The following SLC25A12 variants were observed in gnomAD, a reference collection of about 807,000 sequenced individuals.
SLC25A12 encodes solute carrier family 25 member 12.
SLC25A12 carries 32 observed loss-of-function variants against 83.3 expected under a neutral mutation model. That is an observed-to-expected ratio of 0.38 (90% confidence interval 0.29 to 0.52). SLC25A12 has a LOEUF of 0.52. Among genes scored for constraint, SLC25A12 ranks in the 20% least tolerant of loss-of-function variants. The pLI, the probability that SLC25A12 is intolerant of heterozygous loss-of-function variation, is 0.84. For missense variants in SLC25A12, 611 were observed against 835.6 expected (o/e 0.73, Z 3.31); for synonymous variants, 267 against 291.1 (o/e 0.92, Z 0.84).
intron 2 of SLC25A12, among the ~76,000 whole-genome samples, chr2:171,882,953 A>G (rs747651027): frequency 6.6e-6 from 1 of 152,222 alleles, no homozygotes; most frequent in Non-Finnish European, 1.5e-5. Flanking sequence ...AACATCTTCC[A>G]TGGTCTCTCG....
intron 13 of SLC25A12, among the ~76,000 whole-genome samples, chr2:171,806,824 A>G (rs1431925338): frequency 6.6e-6 from 1 of 152,234 alleles, no homozygotes; most frequent in Non-Finnish European, 1.5e-5. Flanking sequence ...GACAGCACTC[A>G]GCCAAAAGCC....
chr2:171,873,506 T>C (rs879656041), intron 2 of SLC25A12, among the ~76,000 whole-genome samples: 12 of 152,108 alleles, frequency 7.9e-5, no homozygotes, highest in African/African-American at 1.7e-4. Context: ...ACCAACACAG[T>C]GGGCATGAAA....
rs760105858 is a variant in SLC25A12, at chr2:171,868,752, C to G, written c.138G>C (p.Leu46=). The change falls in exon 3 of 18, where the codon CTG becomes CTC. Residue 46 remains leucine (L), a synonymous_variant. Coordinates refer to ENST00000422440, the MANE Select transcript of SLC25A12 (RefSeq NM_003705.5). ...PEDFVQRYLG[L]YNDPNSNPKI... ...TTGGGTTACTATTTGGATCATTATA[C>G]AGTCCAAGATAGCGCTGAACAAAGT... 1 of 1,613,592 alleles carries G rather than the reference C, an allele frequency of 6.2e-7. No homozygotes were observed. The highest frequency in any genetic ancestry group is 1.1e-5 in the South Asian group (1 of 91,078).
In SLC25A12 at chr2:171,785,485, G is replaced by GA. The variant is rs769937377; in HGVS notation, c.1836-11dup. On this transcript the variant is annotated splice_polypyrimidine_tract_variant and intron_variant, in intron 17 of 17. Transcript: ENST00000422440. ...TGAACCAGCGGGTTTGCTGTTGACA[G>GA]AAAAAAAGCCAATGGTTAGCATGCT... The GA allele has an allele frequency of 1.2e-6, 2 of 1,613,482 alleles. No homozygotes were observed. Among genetic ancestry groups the GA allele is most frequent in the Non-Finnish European group, 1.7e-6 (2 of 1,179,852 alleles).
At chr2:171,842,547 T>C (rs931473879) in intron 5 of SLC25A12, among the ~76,000 whole-genome samples, 1 of 151,910 alleles carries the variant, frequency 6.6e-6, no homozygotes, top group Non-Finnish European at 1.5e-5. Flanking sequence ...TGAGCTGAGA[T>C]CACGCCATTG....
intron 3 of SLC25A12, among the ~76,000 whole-genome samples, chr2:171,862,046 A>G (rs188594786): frequency 6.6e-6 from 1 of 152,348 alleles, no homozygotes; most frequent in East Asian, 1.9e-4. Context: ...TAATAAAATG[A>G]CAAAATATTA....
At chr2:171,829,518 C>A (rs1354306853) in intron 8 of SLC25A12, among the ~76,000 whole-genome samples, 2 of 152,130 alleles carry the variant, frequency 1.3e-5, no homozygotes, top group African/African-American at 4.8e-5. Context: ...AAGGGCCCTG[C>A]TAAGTCCCCT....
chr2:171,839,284 C>CAAAT (rs1171908007), intron 5 of SLC25A12, among the ~76,000 whole-genome samples: 1 of 152,142 alleles, frequency 6.6e-6, no homozygotes, highest in East Asian at 1.9e-4. Flanking sequence ...CTGGCACCTC[C>CAAAT]AAATACCCAC....
chr2:171,865,438 ATCACTTGAGG>A (rs1243095524), intron 3 of SLC25A12, among the ~76,000 whole-genome samples: 1 of 152,164 alleles, frequency 6.6e-6, no homozygotes, highest in Non-Finnish European at 1.5e-5. Flanking sequence ...AGGCAGGCAG[ATCACTTGAGG>A]TCAGGAGTTC....
intron 3 of SLC25A12, among the ~76,000 whole-genome samples, chr2:171,866,270 C>T (rs1685296761): frequency 6.9e-6 from 1 of 144,298 alleles, no homozygotes; most frequent in Admixed American, 6.9e-5. Context: ...ATTTCTCAAT[C>T]TTTTCCCCAC....
chr2:171,866,753 C>T (rs1415546908), intron 3 of SLC25A12, among the ~76,000 whole-genome samples: 1 of 134,456 alleles, frequency 7.4e-6, no homozygotes, highest in African/African-American at 2.8e-5. Flanking sequence ...GGCGGCTGGC[C>T]GGGTGGGGGG....
chr2:171,803,494 A>G (rs74323668), intron 13 of SLC25A12, among the ~76,000 whole-genome samples: 5,591 of 152,228 alleles, frequency 0.037, 344 homozygotes, highest in African/African-American at 0.13. Context: ...ACATTTTTTC[A>G]AAGAAGATAT....
At position 171,849,493 on chromosome 2, in the gene SLC25A12, T is replaced by C. The variant is rs146271561; in HGVS notation, c.326-4985A>G. Among the ~76,000 whole-genome samples, 873 of 151,776 alleles carry C rather than the reference T, an allele frequency of 5.8e-3. 6 individuals are homozygous for C. Among genetic ancestry groups the C allele is most frequent in the African/African-American group, 0.018 (737 of 41,422 alleles). On this transcript the variant is annotated intron_variant, in intron 4 of 17. Transcript: ENST00000422440. ...AAATTAAGCTATATATTTATTATCA[T>C]AGAATTTTCATTTCTTTTTATGAAA... is the stretch of plus-strand genomic sequence containing the variant.
intron 8 of SLC25A12, among the ~76,000 whole-genome samples, chr2:171,827,718 G>A (rs530505053): frequency 1.6e-4 from 24 of 152,210 alleles, no homozygotes; most frequent in African/African-American, 5.5e-4. Flanking sequence ...TTGTTTGTGC[G>A]TTTTGTCCAA....
chr2:171,830,528 T>C (rs1473584738), intron 8 of SLC25A12, among the ~76,000 whole-genome samples: 4 of 152,160 alleles, frequency 2.6e-5, no homozygotes, highest in Admixed American at 6.6e-5. Context: ...ATTTTTTTTT[T>C]CTTGAAATGG....
At chr2:171,829,931 G>A (rs936998212) in intron 8 of SLC25A12, among the ~76,000 whole-genome samples, 5 of 152,106 alleles carry the variant, frequency 3.3e-5, no homozygotes, top group Admixed American at 6.6e-5. Flanking sequence ...TGAACAACTG[G>A]GCCAAATTTC....
At chr2:171,837,308 A>T (rs373519327) in intron 5 of SLC25A12, 41 bp from the exon 6 acceptor site, 56 of 1,607,360 alleles carry the variant, frequency 3.5e-5, no homozygotes, top group Non-Finnish European at 4.5e-5. Context: ...CTGGTTAAAC[A>T]CATTCCAAGT....
At chr2:171,789,971 G>A (rs963090684) in intron 15 of SLC25A12, among the ~76,000 whole-genome samples, 2 of 152,140 alleles carry the variant, frequency 1.3e-5, no homozygotes, top group African/African-American at 4.8e-5. Flanking sequence ...AGACTGAGCA[G>A]GTAACTTTAC....
Position 171,815,130 on chromosome 2 carries a change from C to G in SLC25A12, c.1003G>C (p.Val335Leu). 1.2e-6 allele frequency: 2 copies of G among 1,613,584 alleles called. No homozygotes were observed. Among genetic ancestry groups the G allele is most frequent in the Non-Finnish European group, 1.7e-6 (2 of 1,179,580 alleles). Residue 335 changes from valine to leucine, a missense_variant, in exon 10 of 18, where the codon GTT (valine) becomes CTT (leucine). By Grantham distance (32) the Val-to-Leu change is conservative. Transcript: ENST00000422440. ...ESAYRFTLGS[V>L]AGAVGATAVY... ...CAGACATGTCACTCACCTCCAGCAA[C>G]TGAGCCCAGAGTGAATCTGTAAGCA... is the stretch of plus-strand genomic sequence containing the variant.
Sources: allele counts gnomAD v4.1 joint callset (sites outside exome capture counted in the v4.1 genomes callset), GRCh38; gene constraint gnomAD v4.1.1; transcripts MANE v1.5; gene names NCBI Gene and HGNC (gene_info 2026-07-23, HGNC 2026-07-21).